The following CNTNAP2 variants were observed in gnomAD, a reference collection of about 807,000 sequenced individuals.
CNTNAP2 encodes the protein contactin associated protein 2.
CNTNAP2 carries 98 observed loss-of-function variants against 155.2 expected under a neutral mutation model. That is an observed-to-expected ratio of 0.63 (90% CI 0.54 to 0.75). The LOEUF (loss-of-function observed/expected upper bound fraction) is 0.75. Ranked by LOEUF, CNTNAP2 falls within the 30% of genes least tolerant of loss-of-function variation. The pLI is 0.00. For synonymous variants in CNTNAP2, 651 were observed against 631.2 expected (o/e 1.03, Z -0.47); for missense variants, 1,727 against 1,688.1 (o/e 1.02, Z -0.40).
intron 12 of CNTNAP2, among the ~76,000 whole-genome samples, chr7:147,609,776 C>A (rs1407184449): frequency 6.6e-6 from 1 of 152,034 alleles, no homozygotes; most frequent in African/African-American, 2.4e-5. Flanking sequence ...TACAGGAGGA[C>A]ATCACTGGAG....
At chr7:148,033,400 G>T (rs772646446) in intron 15 of CNTNAP2, among the ~76,000 whole-genome samples, 30 of 147,396 alleles carry the variant, frequency 2.0e-4, no homozygotes, top group African/African-American at 4.3e-4. Context: ...GAACGTGCAG[G>T]TTTGTTACAT....
At chr7:147,874,956 T>C (rs1212604594) in intron 13 of CNTNAP2, among the ~76,000 whole-genome samples, 1 of 152,152 alleles carries the variant, frequency 6.6e-6, no homozygotes, top group Non-Finnish European at 1.5e-5. Flanking sequence ...AAGTTCCTTA[T>C]CTCCATCTGA....
chr7:146,129,654 A>G (rs1797687041), intron 1 of CNTNAP2, among the ~76,000 whole-genome samples: 1 of 152,232 alleles, frequency 6.6e-6, no homozygotes, highest in Non-Finnish European at 1.5e-5. Flanking sequence ...CAGCTTCCAC[A>G]TAACACATTC....
At chr7:146,287,984 A>C (rs187280209) in intron 1 of CNTNAP2, among the ~76,000 whole-genome samples, 282 of 152,276 alleles carry the variant, frequency 1.9e-3, no homozygotes, top group Non-Finnish European at 3.4e-3. Context: ...TTAAAATTAG[A>C]AAATCGATTC....
intron 3 of CNTNAP2, among the ~76,000 whole-genome samples, chr7:146,904,213 C>T (rs1311507215): frequency 6.6e-6 from 1 of 152,068 alleles, no homozygotes; most frequent in South Asian, 2.1e-4. Context: ...GGTTGTTACT[C>T]TAGCATAGCA....
intron 11 of CNTNAP2, among the ~76,000 whole-genome samples, chr7:147,516,694 G>A (rs1297128686): frequency 3.3e-5 from 5 of 151,512 alleles, no homozygotes; most frequent in African/African-American, 9.7e-5. Flanking sequence ...TATGAAGCAC[G>A]ATGCACAAAA....
At chr7:148,021,746 C>T (rs35002257) in intron 15 of CNTNAP2, among the ~76,000 whole-genome samples, 57,552 of 152,004 alleles carry the variant, frequency 0.38, 11,631 homozygotes, top group African/African-American at 0.53. Context: ...TGCAGGAACC[C>T]GGTGGCTCGC....
chr7:147,324,718 T>G (rs1795419605), intron 9 of CNTNAP2, among the ~76,000 whole-genome samples: 1 of 152,148 alleles, frequency 6.6e-6, no homozygotes, highest in Non-Finnish European at 1.5e-5. Context: ...TTATCATTTG[T>G]TTTTCAAAGA....
intron 1 of CNTNAP2, among the ~76,000 whole-genome samples, chr7:146,505,267 G>A (rs546944281): frequency 2.3e-4 from 35 of 152,292 alleles, no homozygotes; most frequent in African/African-American, 7.2e-4. Context: ...TCAACTCATC[G>A]TAGGTGTGGG....
intron 15 of CNTNAP2, among the ~76,000 whole-genome samples, chr7:148,047,995 C>T (rs1223647839): frequency 6.6e-6 from 1 of 152,004 alleles, no homozygotes; most frequent in Non-Finnish European, 1.5e-5. Context: ...ACCATCTCAG[C>T]TCACTGCAAG....
At chr7:148,062,123 A>C (rs1803168822) in intron 15 of CNTNAP2, among the ~76,000 whole-genome samples, 1 of 151,376 alleles carries the variant, frequency 6.6e-6, no homozygotes, top group African/African-American at 2.4e-5. Context: ...AGATCTTGTC[A>C]AATTAGTTTA....
At chr7:147,025,274 A>C (rs1798883047) in intron 3 of CNTNAP2, among the ~76,000 whole-genome samples, 1 of 121,010 alleles carries the variant, frequency 8.3e-6, no homozygotes, top group Non-Finnish European at 1.7e-5. Flanking sequence ...AAACAGAGTC[A>C]GACTCTGTAA....
intron 1 of CNTNAP2, among the ~76,000 whole-genome samples, chr7:146,480,937 C>T (rs1796951788): frequency 6.6e-6 from 1 of 151,972 alleles, no homozygotes; most frequent in Non-Finnish European, 1.5e-5. Flanking sequence ...GCCTCGGCCT[C>T]CCAAAGTGCT....
At chr7:146,226,917 C>T (rs1584812391) in intron 1 of CNTNAP2, among the ~76,000 whole-genome samples, 2 of 152,108 alleles carry the variant, frequency 1.3e-5, no homozygotes, top group East Asian at 3.9e-4. Flanking sequence ...CACTTCATTA[C>T]TTTAAGAAAT....
intron 11 of CNTNAP2, among the ~76,000 whole-genome samples, chr7:147,497,807 T>A (rs1798736574): frequency 6.6e-6 from 1 of 152,174 alleles, no homozygotes; most frequent in African/African-American, 2.4e-5. Context: ...GCCAGACTGA[T>A]TGTCCTACAG....
At chr7:146,622,733 G>T (rs1420853500) in intron 1 of CNTNAP2, among the ~76,000 whole-genome samples, 1 of 152,052 alleles carries the variant, frequency 6.6e-6, no homozygotes, top group African/African-American at 2.4e-5. Flanking sequence ...GAGGCAGGCG[G>T]ATCACCTGAG....
chr7:147,045,980 T>C (rs1420708766), intron 4 of CNTNAP2, among the ~76,000 whole-genome samples: 1 of 152,164 alleles, frequency 6.6e-6, no homozygotes, highest in African/African-American at 2.4e-5. Context: ...ATATATTAAA[T>C]GGTAGCATTA....
intron 1 of CNTNAP2, among the ~76,000 whole-genome samples, chr7:146,153,103 C>T (rs1195387337): frequency 6.6e-6 from 1 of 152,068 alleles, no homozygotes; most frequent in African/African-American, 2.4e-5. Context: ...ATTTCCATTT[C>T]ACAAATTATG....
intron 15 of CNTNAP2, among the ~76,000 whole-genome samples, chr7:148,060,702 C>G (rs1803112883): frequency 6.6e-6 from 1 of 152,072 alleles, no homozygotes; most frequent in South Asian, 2.1e-4. Flanking sequence ...TCCATGTGTT[C>G]AATATTTATT....
Sources: allele counts gnomAD v4.1 joint callset (sites outside exome capture counted in the v4.1 genomes callset), GRCh38; gene constraint gnomAD v4.1.1; transcripts MANE v1.5; gene names NCBI Gene and HGNC (gene_info 2026-07-23, HGNC 2026-07-21).